Variants in IL31RA observed in about 807,000 individuals in gnomAD.
IL31RA encodes the protein interleukin-31 receptor subunit alpha.
IL31RA carries 66 observed loss-of-function variants against 83.7 expected under a neutral mutation model. The observed-to-expected ratio is 0.79, with a 90% CI of 0.65 to 0.97. IL31RA has a LOEUF of 0.97. Ranked by LOEUF, IL31RA falls within the 50% of genes least tolerant of loss-of-function variation. The pLI, the probability that IL31RA is intolerant of heterozygous loss-of-function variation, is 0.00. For missense variants in IL31RA, 798 were observed against 919.4 expected (o/e 0.87, Z 1.71); for synonymous variants, 325 against 329.0 (o/e 0.99, Z 0.13).
the IL31RA span, among the ~76,000 whole-genome samples, chr5:55,845,027 C>T: frequency 6.6e-6 from 1 of 152,140 alleles, no homozygotes; most frequent in Non-Finnish European, 1.5e-5. Flanking sequence ...TCTACTTTTT[C>T]CACTCACCCT....
chr5:55,915,231 A>T (rs1198391287), intron 14 of IL31RA, among the ~76,000 whole-genome samples: 1 of 152,184 alleles, frequency 6.6e-6, no homozygotes, highest in Non-Finnish European at 1.5e-5. Context: ...ACCCTTCCTG[A>T]CCTGATGGGC....
chr5:55,844,819 T>C, the IL31RA span, among the ~76,000 whole-genome samples: 2 of 152,204 alleles, frequency 1.3e-5, no homozygotes, highest in African/African-American at 2.4e-5. Flanking sequence ...TTTTTCTCTT[T>C]GCTTTTCCAC....
intron 6 of IL31RA, among the ~76,000 whole-genome samples, chr5:55,891,536 C>T (rs187023146): frequency 6.6e-6 from 1 of 152,202 alleles, no homozygotes; most frequent in African/African-American, 2.4e-5. Context: ...TGTGGTCCTT[C>T]TTCCATCTAC....
intron 2 of IL31RA, among the ~76,000 whole-genome samples, chr5:55,861,939 T>C (rs1745715167): frequency 6.6e-6 from 1 of 152,144 alleles, no homozygotes; most frequent in Non-Finnish European, 1.5e-5. Flanking sequence ...GTGATATGAG[T>C]ATAGAGGGAA....
chr5:55,915,152 GAGGACCCA>G (rs1458461504), intron 14 of IL31RA, among the ~76,000 whole-genome samples: 1 of 152,188 alleles, frequency 6.6e-6, no homozygotes, highest in African/African-American at 2.4e-5. Context: ...CCAGGCTCAT[GAGGACCCA>G]GTGCGTTCCC....
intron 7 of IL31RA, among the ~76,000 whole-genome samples, chr5:55,898,928 G>A (rs913193486): frequency 6.6e-6 from 1 of 152,114 alleles, no homozygotes. Context: ...GGAGGCTGAG[G>A]CAGGAGAATT....
chr5:55,877,462 T>A (rs1410880471), intron 4 of IL31RA, among the ~76,000 whole-genome samples: 2 of 152,250 alleles, frequency 1.3e-5, no homozygotes. Context: ...TGGCTCCAAG[T>A]TAATGTCTAG....
Position 55,868,910 on chromosome 5 carries a change from TA to T in IL31RA, c.272+4del. The T allele has an allele frequency of 7.1e-7, 1 of 1,413,880 alleles. No homozygotes were observed. Among genetic ancestry groups the T allele is most frequent in the Non-Finnish European group, 1.0e-6 (1 of 998,082 alleles). The allele number at this position is 1,413,880 out of a possible 1,614,324, so 87.6% of individuals were successfully genotyped here. A position where few individuals can be genotyped will look rare whatever the true frequency, so the allele number is the denominator to read the frequency against. Reference sequence around the variant, plus strand: ...CCAGTACACAGTTAAGAGAACTTAGTAAGTACAGGAGCTTGTGTTTTATCAG... The same window carrying T: ...CCAGTACACAGTTAAGAGAACTTAGTAGTACAGGAGCTTGTGTTTTATCAG... On this transcript the variant is annotated splice_donor_region_variant and intron_variant, in intron 3 of 14. Coordinates refer to ENST00000652347, the MANE Select transcript of IL31RA (RefSeq NM_139017.7).
At chr5:55,869,510 G>T (rs1746382655) in intron 3 of IL31RA, among the ~76,000 whole-genome samples, 1 of 152,048 alleles carries the variant, frequency 6.6e-6, no homozygotes, top group Non-Finnish European at 1.5e-5. Flanking sequence ...ATCTCACTCT[G>T]TCCCCCAGGC....
intron 11 of IL31RA, 29 bp from the exon 12 acceptor site, chr5:55,910,503 G>C: frequency 1.2e-6 from 2 of 1,613,696 alleles, no homozygotes; most frequent in Non-Finnish European, 1.7e-6. Flanking sequence ...GTTTGGCTGT[G>C]GTGTTTGACC....
At chr5:55,845,897 T>C in the IL31RA span, among the ~76,000 whole-genome samples, 2 of 152,182 alleles carry the variant, frequency 1.3e-5, no homozygotes, top group African/African-American at 4.8e-5. Context: ...TACCTGCTAT[T>C]TTTCTCTAAT....
chr5:55,882,805 A>G (rs565970408), intron 4 of IL31RA, among the ~76,000 whole-genome samples: 8 of 152,120 alleles, frequency 5.3e-5, no homozygotes, highest in Admixed American at 2.0e-4. Flanking sequence ...TGACCAATCA[A>G]TAAGAGGCTG....
chr5:55,871,587 C>G (rs1746507977), intron 3 of IL31RA, among the ~76,000 whole-genome samples: 1 of 151,920 alleles, frequency 6.6e-6, no homozygotes, highest in South Asian at 2.1e-4. Context: ...CAATATATAC[C>G]AATGTTCAAA....
intron 4 of IL31RA, among the ~76,000 whole-genome samples, chr5:55,882,393 G>A (rs887968267): frequency 7.2e-5 from 11 of 152,144 alleles, no homozygotes; most frequent in African/African-American, 2.2e-4. Context: ...GCTTTATTTA[G>A]CGTAATACCA....
intron 7 of IL31RA, among the ~76,000 whole-genome samples, chr5:55,897,786 A>T (rs1248001577): frequency 6.6e-6 from 1 of 152,170 alleles, no homozygotes; most frequent in Admixed American, 6.5e-5. Context: ...GAGTGAAAAG[A>T]TGGGGAAGAA....
intron 2 of IL31RA, among the ~76,000 whole-genome samples, chr5:55,862,554 G>T (rs181967522): frequency 7.2e-5 from 11 of 152,114 alleles, no homozygotes; most frequent in African/African-American, 2.7e-4. Flanking sequence ...GATTATAGGC[G>T]TGTGCCACCA....
chr5:55,879,769 A>G (rs1747093041), intron 4 of IL31RA, among the ~76,000 whole-genome samples: 1 of 151,118 alleles, frequency 6.6e-6, no homozygotes, highest in African/African-American at 2.4e-5. Context: ...TCATGGGAGA[A>G]CAAGAACTTA....
chr5:55,922,650 A>G lies in IL31RA; in HGVS notation c.*5530A>G. On this transcript the variant is annotated 3_prime_UTR_variant, in exon 15 of 15. Coordinates refer to ENST00000652347, the MANE Select transcript of IL31RA (RefSeq NM_139017.7). ...TTAAGTAGAGTGTGAAAACATGGTT[A>G]TGGTAATAGGAACAGCTTTTAAAAT... 1 of 528,066 alleles carries G rather than the reference A, an allele frequency of 1.9e-6. No individual in the cohort carries two copies. Among genetic ancestry groups the G allele is most frequent in the Non-Finnish European group, 3.3e-6 (1 of 299,434 alleles). The allele number at this position is 528,066 out of a possible 1,614,324, so 32.7% of individuals were successfully genotyped here.
Position 55,917,314 on chromosome 5 carries a change from A to G in IL31RA, c.*194A>G. On this transcript the variant is annotated 3_prime_UTR_variant, in exon 15 of 15. Transcript: ENST00000652347. ...CTTGTACTGGGAAGAAGGGATGGTG[A>G]TAAGCCCGAGTTTTGTAAAGGAACA... 7 of 1,467,874 alleles carry G rather than the reference A, an allele frequency of 4.8e-6. No homozygotes were observed. Among genetic ancestry groups the G allele is most frequent in the Non-Finnish European group, 6.3e-6 (7 of 1,115,904 alleles). The allele number at this position is 1,467,874 out of a possible 1,614,324, so 90.9% of individuals were successfully genotyped here.
Sources: allele counts gnomAD v4.1 joint callset (sites outside exome capture counted in the v4.1 genomes callset), GRCh38; gene constraint gnomAD v4.1.1; transcripts MANE v1.5; gene names NCBI Gene and HGNC (gene_info 2026-07-23, HGNC 2026-07-21).